The following PLXNA4 variants were observed in gnomAD, a reference collection of about 807,000 sequenced individuals.
PLXNA4 encodes the protein plexin-A4.
PLXNA4 carries 44 observed loss-of-function variants against 191.8 expected under a neutral mutation model. The ratio of observed to expected loss-of-function variants is 0.23; its 90% CI spans 0.18 to 0.29. The LOEUF is 0.29. PLXNA4 is among the 10% of genes least tolerant of loss of function. The pLI, the probability that PLXNA4 is intolerant of heterozygous loss-of-function variation, is 1.00. For synonymous variants in PLXNA4, 1,082 were observed against 1,009.5 expected (o/e 1.07, Z -1.36); for missense variants, 1,800 against 2,488.8 (o/e 0.72, Z 5.89).
chr7:132,544,407 C>T (rs528193538), intron 1 of PLXNA4, among the ~76,000 whole-genome samples: 2 of 152,362 alleles, frequency 1.3e-5, no homozygotes, highest in Admixed American at 6.5e-5. Context: ...AATTGGCTGA[C>T]AGCACAATTC....
Position 132,559,574 on chromosome 7 carries a change from G to A in PLXNA4, c.-87+16848C>T, listed in dbSNP as rs958724963. Among the ~76,000 whole-genome samples, 8 of 152,270 alleles carry A rather than the reference G, an allele frequency of 5.3e-5. 1 individual carries two copies. Among genetic ancestry groups the A allele is most frequent in the South Asian group, 4.2e-4 (2 of 4,818 alleles). ...CCATCCCCAAGTCTCACTACCTTCC[G>A]CAGCAGCACAGAGGGTTGAAAGTGT... On this transcript the variant is annotated intron_variant, in intron 1 of 31. Transcript: ENST00000321063.
chr7:132,365,883 C>A (rs1804162975), intron 3 of PLXNA4: 1 of 152,184 alleles, frequency 6.6e-6, no homozygotes, highest in South Asian at 2.1e-4. Context: ...GATGGGGCTC[C>A]TTCACCTTCA....
chr7:132,428,428 G>T (rs277472), intron 3 of PLXNA4, among the ~76,000 whole-genome samples: 6,695 of 152,274 alleles, frequency 0.044, 390 homozygotes, highest in African/African-American at 0.14. Flanking sequence ...GCCAGGAGGC[G>T]AGGACCTTGC....
At chr7:132,486,254 G>T (rs540250301) in intron 3 of PLXNA4, among the ~76,000 whole-genome samples, 1 of 152,168 alleles carries the variant, frequency 6.6e-6, no homozygotes, top group African/African-American at 2.4e-5. Flanking sequence ...AACTTGTCAC[G>T]GCTGGGCCTC....
intron 14 of PLXNA4, among the ~76,000 whole-genome samples, chr7:132,191,112 C>T (rs1359172512): frequency 6.6e-6 from 1 of 152,132 alleles, no homozygotes; most frequent in African/African-American, 2.4e-5. Flanking sequence ...AATGGGGAAG[C>T]AGACAGAGGA....
chr7:132,170,092 C>T (rs925320360), intron 21 of PLXNA4, among the ~76,000 whole-genome samples: 1 of 152,012 alleles, frequency 6.6e-6, no homozygotes, highest in Non-Finnish European at 1.5e-5. Flanking sequence ...GTTTCAGAGT[C>T]GGTCATGCTT....
chr7:132,319,042 GC>G (rs935493033), intron 3 of PLXNA4, among the ~76,000 whole-genome samples: 2 of 152,154 alleles, frequency 1.3e-5, no homozygotes, highest in Non-Finnish European at 2.9e-5. Flanking sequence ...CCCCAAGGTG[GC>G]CCACATAGAG....
At chr7:132,139,808 G>A (rs906209366) in intron 30 of PLXNA4, among the ~76,000 whole-genome samples, 1 of 152,236 alleles carries the variant, frequency 6.6e-6, no homozygotes, top group African/African-American at 2.4e-5. Flanking sequence ...CATTCTGCAT[G>A]TATATTTCTT....
At chr7:132,577,712 G>C (rs372177502), upstream of PLXNA4, among the ~76,000 whole-genome samples, 1 of 152,182 alleles carries the variant, frequency 6.6e-6, no homozygotes, top group African/African-American at 2.4e-5. Context: ...CACGGCGCGC[G>C]CTCAGAGGGA....
At chr7:132,564,567 A>C (rs1041592368) in intron 1 of PLXNA4, among the ~76,000 whole-genome samples, 1 of 152,270 alleles carries the variant, frequency 6.6e-6, no homozygotes, top group East Asian at 1.9e-4. Flanking sequence ...GGCCACACTA[A>C]GCTGTGAACT....
At chr7:132,296,880 C>T (rs1291011022) in intron 4 of PLXNA4, among the ~76,000 whole-genome samples, 1 of 152,102 alleles carries the variant, frequency 6.6e-6, no homozygotes, top group Non-Finnish European at 1.5e-5. Flanking sequence ...ATTTTCCACC[C>T]TACCTTGGGA....
At chr7:132,203,229 G>A in intron 11 of PLXNA4, 94 bp downstream of exon 11, 1 of 1,143,152 alleles carries the variant, frequency 8.7e-7, no homozygotes, top group South Asian at 1.3e-5. Context: ...GGAGGCGGGG[G>A]CAGAATGACT....
intron 22 of PLXNA4, among the ~76,000 whole-genome samples, chr7:132,166,109 A>T (rs111582792): frequency 5.3e-4 from 81 of 152,124 alleles, no homozygotes; most frequent in African/African-American, 1.6e-3. Flanking sequence ...AGGCAGGAGA[A>T]TCGCTTGAAC....
chr7:132,493,893 C>T (rs952202936), intron 2 of PLXNA4, among the ~76,000 whole-genome samples: 3 of 152,220 alleles, frequency 2.0e-5, no homozygotes, highest in African/African-American at 7.2e-5. Context: ...AACTCTGCCA[C>T]TTAATCCTGT....
chr7:132,603,379 C>T (rs756151640), intron 2 of PLXNA4, among the ~76,000 whole-genome samples: 5 of 152,112 alleles, frequency 3.3e-5, no homozygotes, highest in African/African-American at 9.7e-5. Context: ...ACTATTCCTC[C>T]GTAAATCACT....
chr7:132,152,329 C>T (rs185788291), intron 25 of PLXNA4, among the ~76,000 whole-genome samples: 1 of 152,318 alleles, frequency 6.6e-6, no homozygotes, highest in East Asian at 1.9e-4. Flanking sequence ...GAGGATGAGA[C>T]AGCCCTGCCA....
intron 1 of PLXNA4, among the ~76,000 whole-genome samples, chr7:132,540,744 C>T (rs59933228): frequency 0.05 from 7,566 of 150,722 alleles, 617 homozygotes; most frequent in African/African-American, 0.17. Context: ...CCCGCCACCG[C>T]GCCCGGCTAA....
intron 2 of PLXNA4, among the ~76,000 whole-genome samples, chr7:132,624,454 A>G (rs1803331480): frequency 6.6e-6 from 1 of 152,204 alleles, no homozygotes. Flanking sequence ...CCCATGCCAA[A>G]TAGTGGAAAT....
chr7:132,631,178 A>C (rs1803484098), intron 2 of PLXNA4, among the ~76,000 whole-genome samples: 2 of 152,196 alleles, frequency 1.3e-5, no homozygotes, highest in South Asian at 4.1e-4. Flanking sequence ...TTAATATAAG[A>C]ATATTATTTT....
Sources: gnomAD v4.1 joint callset for allele counts (sites outside exome capture counted in the v4.1 genomes callset) on GRCh38, gnomAD v4.1.1 for gene constraint, MANE v1.5 for transcripts, NCBI Gene and HGNC (gene_info 2026-07-23, HGNC 2026-07-21) for gene names.